The following VTI1A variants were observed in gnomAD, a reference collection of about 807,000 sequenced individuals.
The protein encoded by VTI1A is vesicle transport through interaction with t-SNAREs homolog 1A.
Under a neutral mutation model 34.9 loss-of-function variants are expected in VTI1A, and 22 were observed. That is an observed-to-expected ratio of 0.63 (90% confidence interval 0.45 to 0.90). The LOEUF (loss-of-function observed/expected upper bound fraction) is 0.90, where lower values mean the gene tolerates loss of function less well. VTI1A is among the 40% of genes least tolerant of loss of function. The pLI, the probability that VTI1A is intolerant of heterozygous loss-of-function variation, is 0.00. For synonymous variants in VTI1A, 87 were observed against 97.3 expected, an observed-to-expected ratio of 0.89 and a Z score of 0.62; for missense variants, 268 against 275.6, an observed-to-expected ratio of 0.97 and a Z score of 0.20.
chr10:112,755,450 A>G (rs115604194), intron 7 of VTI1A, among the ~76,000 whole-genome samples: 51 of 152,248 alleles, frequency 3.3e-4, no homozygotes, highest in African/African-American at 1.2e-3. Context: ...TGGGTTAATG[A>G]AGAATAGTGG....
the VTI1A span, among the ~76,000 whole-genome samples, chr10:112,835,493 A>C: frequency 1.3e-5 from 2 of 152,200 alleles, no homozygotes; most frequent in Admixed American, 1.3e-4. Flanking sequence ...GAGGGCCCGC[A>C]TACTGCAAAG....
chr10:112,842,051 C>CTTTTTTTTTTTTTTTTTTTT, the VTI1A span, among the ~76,000 whole-genome samples: 3 of 66,648 alleles, frequency 4.5e-5, no homozygotes, highest in African/African-American at 6.2e-5. Flanking sequence ...TTTTTTTTTC[C>CTTTTTTTTTTTTTTTTTTTT]TTTTTTTTTT....
intron 7 of VTI1A, among the ~76,000 whole-genome samples, chr10:112,736,111 G>GTGTATATATATATATATATATA (rs778802494): frequency 4.3e-5 from 5 of 116,222 alleles, no homozygotes; most frequent in African/African-American, 1.9e-4. Flanking sequence ...ATGTGTGTGT[G>GTGTATATATATATATATATATA]TATATATATA....
At chr10:112,474,336 A>G (rs1173501664) in intron 3 of VTI1A, among the ~76,000 whole-genome samples, 1 of 152,170 alleles carries the variant, frequency 6.6e-6, no homozygotes, top group Admixed American at 6.5e-5. Context: ...TACAGGCGTG[A>G]GCCACCACGC....
chr10:112,652,310 A>G (rs1847062238), intron 5 of VTI1A, among the ~76,000 whole-genome samples: 2 of 152,176 alleles, frequency 1.3e-5, no homozygotes, highest in African/African-American at 4.8e-5. Context: ...CTCAGAAATG[A>G]GTGTCCTTCA....
At chr10:112,706,168 C>G (rs1051779027) in intron 7 of VTI1A, among the ~76,000 whole-genome samples, 1 of 152,064 alleles carries the variant, frequency 6.6e-6, no homozygotes, top group Non-Finnish European at 1.5e-5. Context: ...TGCCGACAGC[C>G]TCATTCATAT....
intron 7 of VTI1A, among the ~76,000 whole-genome samples, chr10:112,724,510 A>G (rs748499228): frequency 6.6e-6 from 1 of 152,032 alleles, no homozygotes; most frequent in Non-Finnish European, 1.5e-5. Context: ...CCTCCAACCA[A>G]TCAGAAAGCT....
At chr10:112,531,024 T>TA (rs531240724) in intron 4 of VTI1A, among the ~76,000 whole-genome samples, 3 of 150,138 alleles carry the variant, frequency 2.0e-5, no homozygotes, top group Non-Finnish European at 3.0e-5. Context: ...TTATCAGCTT[T>TA]AAAAAAAATT....
At chr10:112,805,580 T>C (rs1853046183) in intron 7 of VTI1A, among the ~76,000 whole-genome samples, 1 of 152,224 alleles carries the variant, frequency 6.6e-6, no homozygotes, top group African/African-American at 2.4e-5. Context: ...GGAAATAATG[T>C]CTTTGCAAAT....
chr10:112,644,380 G>A (rs1846695736), intron 5 of VTI1A, among the ~76,000 whole-genome samples: 2 of 152,146 alleles, frequency 1.3e-5, no homozygotes, highest in South Asian at 4.1e-4. Context: ...AAGTGACGAT[G>A]GGTTTTAATG....
chr10:112,659,422 AC>A (rs1181763545), intron 5 of VTI1A, among the ~76,000 whole-genome samples: 1 of 152,118 alleles, frequency 6.6e-6, no homozygotes, highest in Non-Finnish European at 1.5e-5. Flanking sequence ...TTGTTTAACA[AC>A]CTCAATTTAC....
At chr10:112,749,979 C>T (rs1215345918) in intron 7 of VTI1A, among the ~76,000 whole-genome samples, 1 of 152,134 alleles carries the variant, frequency 6.6e-6, no homozygotes, top group African/African-American at 2.4e-5. Context: ...ATATGCTATA[C>T]ACAAAGTATT....
At chr10:112,759,340 A>C (rs904587021) in intron 7 of VTI1A, among the ~76,000 whole-genome samples, 1 of 152,142 alleles carries the variant, frequency 6.6e-6, no homozygotes, top group Non-Finnish European at 1.5e-5. Flanking sequence ...TTCACTTATG[A>C]GCTGTAGTTA....
At chr10:112,689,873 G>T (rs749954317) in intron 7 of VTI1A, among the ~76,000 whole-genome samples, 1 of 151,994 alleles carries the variant, frequency 6.6e-6, no homozygotes, top group East Asian at 1.9e-4. Context: ...TCAAGATATA[G>T]AACAGTTCCC....
At chr10:112,588,707 C>T (rs11818906) in intron 5 of VTI1A, among the ~76,000 whole-genome samples, 33,315 of 152,066 alleles carry the variant, frequency 0.22, 3,944 homozygotes, top group African/African-American at 0.3. Context: ...TTTTATTGGC[C>T]TTGCAAGCCC....
At chr10:112,553,929 A>C (rs1851457494) in intron 5 of VTI1A, among the ~76,000 whole-genome samples, 1 of 152,214 alleles carries the variant, frequency 6.6e-6, no homozygotes, top group Non-Finnish European at 1.5e-5. Context: ...TCACTGCCTC[A>C]TACATCATCA....
At chr10:112,668,755 G>A (rs555590907) in intron 6 of VTI1A, among the ~76,000 whole-genome samples, 182 bp from the exon 7 acceptor site, 23 of 152,200 alleles carry the variant, frequency 1.5e-4, no homozygotes, top group Admixed American at 9.2e-4. Flanking sequence ...TACCTCTCAC[G>A]TGTCATTCTC....
intron 3 of VTI1A, among the ~76,000 whole-genome samples, chr10:112,488,873 G>A (rs75869703): frequency 0.017 from 2,543 of 152,178 alleles, 70 homozygotes; most frequent in African/African-American, 0.055. Flanking sequence ...TATATCTTAT[G>A]TATTAACAAA....
the VTI1A span, among the ~76,000 whole-genome samples, chr10:112,836,021 G>A: frequency 2.0e-5 from 3 of 152,226 alleles, no homozygotes; most frequent in Non-Finnish European, 4.4e-5. Flanking sequence ...AAAGGCCAAA[G>A]CTCCAGTCTG....
Sources: gnomAD v4.1 joint callset for allele counts (sites outside exome capture counted in the v4.1 genomes callset) on GRCh38, gnomAD v4.1.1 for gene constraint, MANE v1.5 for transcripts, NCBI Gene and HGNC (gene_info 2026-07-23, HGNC 2026-07-21) for gene names.